Variants in UVRAG observed in about 807,000 individuals in gnomAD.
UVRAG encodes the protein UV radiation resistance-associated gene protein.
In UVRAG, 19 loss-of-function variants were observed where a neutral mutation model predicts 78.0. That is an observed-to-expected ratio of 0.24 (90% CI 0.17 to 0.36). UVRAG has a LOEUF of 0.36. UVRAG is among the 10% of genes least tolerant of loss of function. The pLI is 1.00. For missense variants in UVRAG, 740 were observed against 853.8 expected, an observed-to-expected ratio of 0.87 and a Z score of 1.66; for synonymous variants, 323 against 324.6, an observed-to-expected ratio of 1.00 and a Z score of 0.05.
chr11:76,066,463 T>C (rs1338179294), intron 13 of UVRAG, among the ~76,000 whole-genome samples: 1 of 152,072 alleles, frequency 6.6e-6, no homozygotes, highest in Non-Finnish European at 1.5e-5. Flanking sequence ...ACTTCCTTTG[T>C]TTTTTATTTT....
At chr11:75,848,052 G>A (rs1946074423) in intron 1 of UVRAG, among the ~76,000 whole-genome samples, 1 of 149,548 alleles carries the variant, frequency 6.7e-6, no homozygotes, top group African/African-American at 2.5e-5. Context: ...AAAAAATTTA[G>A]CTGGGCATGG....
chr11:75,964,365 G>A (rs1948969328), intron 7 of UVRAG, among the ~76,000 whole-genome samples: 1 of 152,128 alleles, frequency 6.6e-6, no homozygotes, highest in Non-Finnish European at 1.5e-5. Context: ...AAGCCATCTG[G>A]GCCTGGAGGT....
chr11:76,139,333 T>C (rs1952660171), intron 14 of UVRAG, among the ~76,000 whole-genome samples: 1 of 152,218 alleles, frequency 6.6e-6, no homozygotes, highest in South Asian at 2.1e-4. Context: ...CTTCTTGCTA[T>C]TGTAATTTGA....
intron 3 of UVRAG, among the ~76,000 whole-genome samples, chr11:75,868,391 T>C (rs757977822): frequency 5.9e-5 from 9 of 151,952 alleles, no homozygotes; most frequent in African/African-American, 2.2e-4. Context: ...TGCAAGAGAA[T>C]TGAGGATCAG....
intron 1 of UVRAG, among the ~76,000 whole-genome samples, chr11:75,825,269 C>T (rs1274316107): frequency 6.6e-6 from 1 of 152,000 alleles, no homozygotes; most frequent in Non-Finnish European, 1.5e-5. Flanking sequence ...GCCCACCACC[C>T]CACCTGGCTA....
intron 1 of UVRAG, among the ~76,000 whole-genome samples, chr11:75,844,723 A>T (rs1270555663): frequency 6.7e-6 from 1 of 149,306 alleles, no homozygotes; most frequent in Non-Finnish European, 1.5e-5. Flanking sequence ...CCCAGTCTGG[A>T]GTACAGTGGT....
intron 1 of UVRAG, among the ~76,000 whole-genome samples, chr11:75,818,625 C>A (rs577619696): frequency 4.3e-4 from 65 of 151,844 alleles, no homozygotes; most frequent in South Asian, 6.2e-4. Context: ...ATTACAAGCA[C>A]CTGCCACCAC....
At chr11:76,101,899 A>G (rs1345200141) in intron 13 of UVRAG, among the ~76,000 whole-genome samples, 1 of 151,980 alleles carries the variant, frequency 6.6e-6, no homozygotes, top group African/African-American at 2.4e-5. Flanking sequence ...GTACGTGTAC[A>G]GCCTTATTTG....
chr11:75,821,941 GTT>G (rs757078463), intron 1 of UVRAG, among the ~76,000 whole-genome samples: 12,956 of 117,952 alleles, frequency 0.11, 365 homozygotes, highest in East Asian at 0.2. Flanking sequence ...ATTTATCACT[GTT>G]TTTTTTTTTT....
intron 5 of UVRAG, among the ~76,000 whole-genome samples, chr11:75,898,918 C>A (rs1011732225): frequency 1.3e-5 from 2 of 152,054 alleles, no homozygotes; most frequent in Non-Finnish European, 1.5e-5. Context: ...AAAGCACGTC[C>A]CAAACAGTAC....
At chr11:76,064,289 G>A (rs1951146694) in intron 12 of UVRAG, among the ~76,000 whole-genome samples, 1 of 152,196 alleles carries the variant, frequency 6.6e-6, no homozygotes, top group Non-Finnish European at 1.5e-5. Flanking sequence ...CAGCACAGAG[G>A]TTTAGGACCG....
chr11:76,078,263 G>T (rs1263412710), intron 13 of UVRAG, among the ~76,000 whole-genome samples: 35 of 152,028 alleles, frequency 2.3e-4, no homozygotes, highest in Admixed American at 2.3e-3. Context: ...AGATTTTAGG[G>T]GAAGGTAGCA....
chr11:75,828,729 GTGTATATATA>G (rs1565333787), intron 1 of UVRAG, among the ~76,000 whole-genome samples: 2 of 114,582 alleles, frequency 1.7e-5, no homozygotes, highest in African/African-American at 8.6e-5. Context: ...ATATGTGTGT[GTGTATATATA>G]TATATATACA....
At chr11:75,951,446 G>C (rs895141765) in intron 6 of UVRAG, among the ~76,000 whole-genome samples, 1 of 151,640 alleles carries the variant, frequency 6.6e-6, no homozygotes, top group Non-Finnish European at 1.5e-5. Flanking sequence ...ACAATGGTGC[G>C]ATCTCAGCTC....
chr11:75,920,025 T>G (rs1565380083), intron 6 of UVRAG, among the ~76,000 whole-genome samples: 12 of 106,998 alleles, frequency 1.1e-4, no homozygotes, highest in African/African-American at 4.8e-4. Context: ...TTTTTTTTTT[T>G]TTTTTTTTTT....
chr11:75,901,091 G>A (rs372935870), intron 5 of UVRAG, among the ~76,000 whole-genome samples: 24 of 152,140 alleles, frequency 1.6e-4, no homozygotes, highest in African/African-American at 5.3e-4. Context: ...GTTTTATTCG[G>A]CTTAAACTTG....
In UVRAG at chr11:76,140,858, G is replaced by A. The variant is rs367829979; in HGVS notation, c.1545G>A (p.Gln515=). 76 of 1,614,020 alleles carry A rather than the reference G, an allele frequency of 4.7e-5. No homozygotes were observed. The highest frequency in any genetic ancestry group is 5.6e-5 in the Non-Finnish European group (66 of 1,180,038). The part of the protein sequence containing the change: ...KRASSENERL[Q]YKTPPPSYNS... Reference sequence around the variant, plus strand: ...CCAGCTCTGAGAATGAGAGACTTCAGTACAAAACCCCTCCTCCCAGTTACA... The same window carrying A: ...CCAGCTCTGAGAATGAGAGACTTCAATACAAAACCCCTCCTCCCAGTTACA... Residue 515 remains glutamine (Q), a synonymous_variant, in exon 15 of 15, where the codon CAG becomes CAA. Transcript: ENST00000356136.
rs867758894 is a variant in UVRAG, at chr11:76,016,857, C to T, written c.1103C>T (p.Ala368Val). 1.2e-6 allele frequency: 2 copies of T among 1,611,106 alleles called. No individual in the cohort carries two copies. The highest frequency in any genetic ancestry group is 1.7e-5 in the Admixed American group (1 of 59,890). The stretch of plus-strand genomic sequence containing the variant: ...ATTGCTGTTGCCCTTGGTTATACTG[C>T]ACATCTGGTCTCCATGATTTCCTTT... ...GSIAVALGYT[A>V]HLVSMISFFL... Residue 368 changes from alanine to valine, a missense_variant, in exon 12 of 15, where the codon GCA becomes GTA. By Grantham distance (64) the Ala-to-Val change is moderately conservative. Transcript: ENST00000356136.
intron 8 of UVRAG, 149 bp from the exon 9 acceptor site, chr11:76,003,856 T>C: frequency 1.5e-6 from 1 of 651,712 alleles, no homozygotes; most frequent in Admixed American, 2.5e-5. Context: ...TTATTCTAGC[T>C]ACTCTCCCCA....
Sources: allele counts gnomAD v4.1 joint callset (sites outside exome capture counted in the v4.1 genomes callset), GRCh38; gene constraint gnomAD v4.1.1; transcripts MANE v1.5; gene names NCBI Gene and HGNC (gene_info 2026-07-23, HGNC 2026-07-21).